MACROD2: variants seen among roughly 807,000 people sequenced by gnomAD.
MACROD2 encodes ADP-ribose glycohydrolase MACROD2.
Under a neutral mutation model 70.4 loss-of-function variants are expected in MACROD2, and 36 were observed. The observed-to-expected ratio is 0.51, with a 90% CI of 0.39 to 0.68. The LOEUF (loss-of-function observed/expected upper bound fraction) is 0.68. Ranked by LOEUF, MACROD2 falls within the 30% of genes least tolerant of loss-of-function variation. The probability of loss-of-function intolerance (pLI) is 0.00; values close to 1 mark genes in which losing one functional copy is unlikely to be tolerated. For missense variants in MACROD2, 496 were observed against 538.4 expected (o/e 0.92, Z 0.78); for synonymous variants, 172 against 178.8 (o/e 0.96, Z 0.30).
At chr20:14,348,849 C>T (rs2122687183) in intron 3 of MACROD2, among the ~76,000 whole-genome samples, 1 of 152,278 alleles carries the variant, frequency 6.6e-6, no homozygotes, top group East Asian at 1.9e-4. Context: ...AGGCAGATCA[C>T]TTGAGCCTAG....
At chr20:14,189,531 A>C in intron 3 of MACROD2, among the ~76,000 whole-genome samples, 1 of 152,138 alleles carries the variant, frequency 6.6e-6, no homozygotes, top group East Asian at 1.9e-4. Context: ...TAGAGTTTTT[A>C]AGGTTATAGG....
At chr20:15,162,887 A>C (rs1438964222) in intron 5 of MACROD2, among the ~76,000 whole-genome samples, 1 of 152,130 alleles carries the variant, frequency 6.6e-6, no homozygotes, top group Non-Finnish European at 1.5e-5. Flanking sequence ...CTTGGTGATA[A>C]CAAAGGAGAA....
chr20:15,334,597 A>AAAC (rs2078028742), intron 6 of MACROD2, among the ~76,000 whole-genome samples: 2 of 151,462 alleles, frequency 1.3e-5, no homozygotes, highest in African/African-American at 4.9e-5. Flanking sequence ...TTTTAAAAAA[A>AAAC]AACTGCAAAG....
At position 14,230,654 on chromosome 20, in the gene MACROD2, T is replaced by TATATATATATATATATAAAAA; in HGVS notation, c.271+144927_271+144928insTATATATATATATATAAAAAA. ...GTTTATATATATATATATATATATA[T>TATATATATATATATATAAAAA]AACACAGGCTGGGCCTATATATATA... On this transcript the variant is annotated intron_variant, in intron 3 of 17. Coordinates refer to ENST00000684519, the MANE Select transcript of MACROD2 (RefSeq NM_001351661.2). Among the ~76,000 whole-genome samples, 6 of 74,244 alleles carry TATATATATATATATATAAAAA rather than the reference T, an allele frequency of 8.1e-5. 1 individual carries two copies. Among genetic ancestry groups the TATATATATATATATATAAAAA allele is most frequent in the African/African-American group, 3.4e-4 (5 of 14,826 alleles). The allele number at this position is 74,244 out of a possible 152,430, so 48.7% of individuals were successfully genotyped here.
At chr20:15,077,704 G>C (rs1313508469) in intron 5 of MACROD2, among the ~76,000 whole-genome samples, 3 of 152,142 alleles carry the variant, frequency 2.0e-5, no homozygotes, top group Admixed American at 2.0e-4. Context: ...GGCTCACGTT[G>C]CATTTTTATG....
chr20:15,209,111 G>T (rs1055135767), intron 5 of MACROD2, among the ~76,000 whole-genome samples: 2 of 123,996 alleles, frequency 1.6e-5, no homozygotes, highest in Non-Finnish European at 3.6e-5. Context: ...TGGTGGTGGT[G>T]GTGGTATTTA....
In MACROD2 at chr20:15,469,642, T is replaced by C. The variant is rs141035797; in HGVS notation, c.572-30132T>C. ...GAATCCAGTCCACAAGAAAGGGGCCTTGGGCCTGGGCGATGCCAGTGGGAA... is the reference window on the plus strand; with the variant it reads ...GAATCCAGTCCACAAGAAAGGGGCCCTGGGCCTGGGCGATGCCAGTGGGAA... On this transcript the variant is annotated intron_variant, in intron 7 of 17. Coordinates refer to ENST00000684519, the MANE Select transcript of MACROD2 (RefSeq NM_001351661.2). Among the ~76,000 whole-genome samples, 637 of 152,272 alleles carry C rather than the reference T, an allele frequency of 4.2e-3. 4 individuals carry two copies. Among genetic ancestry groups the C allele is most frequent in the African/African-American group, 0.014 (587 of 41,544 alleles).
chr20:14,380,553 T>G (rs917552886), intron 3 of MACROD2, among the ~76,000 whole-genome samples: 2 of 152,138 alleles, frequency 1.3e-5, no homozygotes. Context: ...GGTCTTATAT[T>G]TAAGTTGTTG....
At chr20:14,042,121 A>T (rs1330863511) in intron 2 of MACROD2, among the ~76,000 whole-genome samples, 1 of 152,216 alleles carries the variant, frequency 6.6e-6, no homozygotes, top group Non-Finnish European at 1.5e-5. Context: ...TATTGGGAAG[A>T]TACAGTATTG....
intron 6 of MACROD2, among the ~76,000 whole-genome samples, chr20:15,418,373 A>G (rs548933992): frequency 5.3e-5 from 8 of 152,156 alleles, no homozygotes; most frequent in Non-Finnish European, 7.3e-5. Flanking sequence ...GTTTATTAGC[A>G]GCCTGTCAGT....
At chr20:15,855,838 G>A (rs565249445) in intron 8 of MACROD2, among the ~76,000 whole-genome samples, 6 of 152,044 alleles carry the variant, frequency 3.9e-5, no homozygotes, top group East Asian at 1.9e-4. Context: ...AGATTTGCCC[G>A]TATTATTTTG....
chr20:14,909,780 A>T (rs114000498), intron 5 of MACROD2, among the ~76,000 whole-genome samples: 1,694 of 152,292 alleles, frequency 0.011, 28 homozygotes, highest in African/African-American at 0.038. Context: ...AATCTGTTAT[A>T]GAAGTACATT....
chr20:15,302,960 C>A lies in MACROD2; in HGVS notation c.540+72899C>A, dbSNP rs140272121. 3.2e-3 allele frequency among the ~76,000 whole-genome samples: 480 copies of A among 152,252 alleles called. 1 individual carries two copies. Among genetic ancestry groups the A allele is most frequent in the African/African-American group, 0.011 (447 of 41,554 alleles). On this transcript the variant is annotated intron_variant, in intron 6 of 17. Coordinates refer to ENST00000684519, the MANE Select transcript of MACROD2 (RefSeq NM_001351661.2). ...ACTTAACCTCCCTAAGCTTCAGTCCCTTTACAAAGTTATTATGAAGATTAA... is the reference window on the plus strand; with the variant it reads ...ACTTAACCTCCCTAAGCTTCAGTCCATTTACAAAGTTATTATGAAGATTAA...
intron 8 of MACROD2, among the ~76,000 whole-genome samples, chr20:15,635,776 C>T (rs535663130): frequency 1.3e-5 from 2 of 152,206 alleles, no homozygotes; most frequent in South Asian, 4.2e-4. Flanking sequence ...TTTTAGAAAT[C>T]CCCAAGGGCA....
chr20:15,857,231 A>G (rs767060359), intron 8 of MACROD2, among the ~76,000 whole-genome samples: 65 of 152,332 alleles, frequency 4.3e-4, no homozygotes, highest in Non-Finnish European at 6.2e-4. Flanking sequence ...GAAGATGTCT[A>G]TGGAAGTCCC....
intron 3 of MACROD2, among the ~76,000 whole-genome samples, chr20:14,090,089 A>G (rs1294665527): frequency 6.6e-6 from 1 of 152,074 alleles, no homozygotes; most frequent in East Asian, 1.9e-4. Flanking sequence ...AATGTCAAAA[A>G]CCGAAAATTG....
intron 8 of MACROD2, among the ~76,000 whole-genome samples, chr20:15,807,743 A>T (rs2063782092): frequency 6.6e-6 from 1 of 152,200 alleles, no homozygotes; most frequent in South Asian, 2.1e-4. Flanking sequence ...CTATCAGAAG[A>T]TTTTAATTAC....
chr20:15,967,681 G>C, intron 13 of MACROD2, 51 bp downstream of exon 13: 1,032 of 413,194 alleles, frequency 2.5e-3, no homozygotes, highest in Non-Finnish European at 3.4e-3. Flanking sequence ...CTGGGAAACA[G>C]AAAAAAAAAA....
At chr20:15,345,880 C>A (rs969507192) in intron 6 of MACROD2, among the ~76,000 whole-genome samples, 1 of 152,084 alleles carries the variant, frequency 6.6e-6, no homozygotes, top group Admixed American at 6.6e-5. Context: ...AGAAACCAGA[C>A]TGTTCCTATG....
Sources: allele counts gnomAD v4.1 joint callset (sites outside exome capture counted in the v4.1 genomes callset), GRCh38; gene constraint gnomAD v4.1.1; transcripts MANE v1.5; gene names NCBI Gene and HGNC (gene_info 2026-07-23, HGNC 2026-07-21).